Variants in BNC2 observed in about 807,000 individuals in gnomAD.
BNC2 encodes the protein zinc finger protein basonuclin-2.
A neutral mutation model predicts 76.3 loss-of-function variants in BNC2; 20 were observed. That is an observed-to-expected ratio of 0.26 (90% confidence interval 0.18 to 0.38). The LOEUF is 0.38. Ranked by LOEUF, BNC2 falls within the 10% of genes least tolerant of loss-of-function variation. The pLI is 1.00. For synonymous variants in BNC2, 582 were observed against 514.8 expected, an observed-to-expected ratio of 1.13 and a Z score of -1.77; for missense variants, 1,382 against 1,399.8, an observed-to-expected ratio of 0.99 and a Z score of 0.20.
chr9:16,834,840 T>A (rs1041820461), intron 1 of BNC2, among the ~76,000 whole-genome samples: 11 of 151,870 alleles, frequency 7.2e-5, no homozygotes, highest in African/African-American at 2.6e-4. Context: ...GATTCCCCCA[T>A]CTCCGCATAT....
At chr9:16,802,459 T>C (rs1817808357) in intron 1 of BNC2, among the ~76,000 whole-genome samples, 1 of 152,222 alleles carries the variant, frequency 6.6e-6, no homozygotes, top group Non-Finnish European at 1.5e-5. Context: ...CTGCTACATT[T>C]GTACAGCAAG....
intron 3 of BNC2, among the ~76,000 whole-genome samples, chr9:16,661,925 A>G (rs942245100): frequency 2.0e-5 from 3 of 152,240 alleles, no homozygotes; most frequent in Non-Finnish European, 2.9e-5. Context: ...CCTTAGCATC[A>G]AAGACAAGTG....
Position 16,436,231 on chromosome 9 carries a change from C to A in BNC2, c.1963G>T (p.Asp655Tyr). The change falls in exon 6 of 7, where the codon GAT becomes TAT. Residue 655 changes from aspartate (D) to tyrosine (Y), a missense_variant. Asp to Tyr is a radical substitution (Grantham distance 160). Coordinates refer to ENST00000380672, the MANE Select transcript of BNC2 (RefSeq NM_017637.6). The part of the protein sequence containing the change: ...EIIDTADEFD[D>Y]EDDDPNDGGA... ...CCATCATTGGGGTCATCATCTTCAT[C>A]ATCAAACTCATCGGCGGTATCAATA... 4.3e-6 allele frequency: 7 copies of A among 1,614,158 alleles called. No individual in the cohort carries two copies. Among genetic ancestry groups the A allele is most frequent in the Non-Finnish European group, 5.9e-6 (7 of 1,180,028 alleles).
intron 5 of BNC2, among the ~76,000 whole-genome samples, chr9:16,460,735 C>T (rs1185292550): frequency 1.3e-5 from 2 of 151,950 alleles, no homozygotes; most frequent in African/African-American, 4.8e-5. Context: ...CGTTGACTAC[C>T]CTGAGCCTCA....
At chr9:16,837,143 C>G (rs1469458529) in intron 1 of BNC2, among the ~76,000 whole-genome samples, 2 of 152,018 alleles carry the variant, frequency 1.3e-5, no homozygotes, top group African/African-American at 4.8e-5. Flanking sequence ...TTTTTGAACC[C>G]AAAAAATGGA....
At chr9:16,556,594 CCT>C (rs1818839595) in intron 4 of BNC2, among the ~76,000 whole-genome samples, 1 of 151,628 alleles carries the variant, frequency 6.6e-6, no homozygotes, top group Non-Finnish European at 1.5e-5. Context: ...ATGGTGAAAC[CCT>C]GTTTCTACTA....
At chr9:16,479,456 A>G (rs1732304489) in intron 5 of BNC2, among the ~76,000 whole-genome samples, 1 of 152,140 alleles carries the variant, frequency 6.6e-6, no homozygotes, top group Non-Finnish European at 1.5e-5. Context: ...TTTTCCCTTC[A>G]GTGATAGGGA....
At chr9:16,729,255 AAAG>A (rs1824439458) in intron 2 of BNC2, among the ~76,000 whole-genome samples, 2 of 152,230 alleles carry the variant, frequency 1.3e-5, no homozygotes, top group African/African-American at 4.8e-5. Context: ...CCATCTCATA[AAAG>A]TAGTCAGCAG....
At chr9:16,715,203 T>C (rs1036885366) in intron 3 of BNC2, among the ~76,000 whole-genome samples, 1 of 152,250 alleles carries the variant, frequency 6.6e-6, no homozygotes, top group Non-Finnish European at 1.5e-5. Context: ...CAGAAATCTT[T>C]TATTATTTTA....
chr9:16,832,296 G>A (rs1362958560), intron 1 of BNC2: 2 of 1,280,152 alleles, frequency 1.6e-6, no homozygotes, highest in East Asian at 1.1e-4. Flanking sequence ...CATGTGTCAT[G>A]TTATCAAGGG....
intron 6 of BNC2, among the ~76,000 whole-genome samples, chr9:16,424,036 A>C (rs1289887678): frequency 6.6e-6 from 1 of 152,162 alleles, no homozygotes; most frequent in Admixed American, 6.5e-5. Flanking sequence ...CCTTTGATGA[A>C]AACTTTACCA....
At chr9:16,558,481 A>C (rs1818906467) in intron 4 of BNC2, among the ~76,000 whole-genome samples, 1 of 152,154 alleles carries the variant, frequency 6.6e-6, no homozygotes, top group African/African-American at 2.4e-5. Flanking sequence ...CTTCTGTTAC[A>C]TGAGCCAACA....
At chr9:16,598,549 C>G (rs1038069729) in intron 3 of BNC2, among the ~76,000 whole-genome samples, 2 of 152,184 alleles carry the variant, frequency 1.3e-5, no homozygotes, top group African/African-American at 4.8e-5. Flanking sequence ...GCAGAATGAA[C>G]TCACCACTAC....
chr9:16,510,428 G>A (rs1437980308), intron 5 of BNC2, among the ~76,000 whole-genome samples: 1 of 152,178 alleles, frequency 6.6e-6, no homozygotes, highest in Non-Finnish European at 1.5e-5. Flanking sequence ...ATATAAAAAG[G>A]CAGGAAACAC....
Position 16,760,839 on chromosome 9 carries a change from G to A in BNC2, c.4-22354C>T, listed in dbSNP as rs142912488. 4.8e-3 allele frequency among the ~76,000 whole-genome samples: 727 copies of A among 152,032 alleles called. 4 individuals carry two copies. The highest frequency in any genetic ancestry group is 0.017 in the African/African-American group (687 of 41,448). On this transcript the variant is annotated intron_variant, in intron 1 of 6. Transcript: ENST00000380672. The stretch of plus-strand genomic sequence containing the variant: ...TGACAGGAAATTTGGGGAGGAGAGG[G>A]AAACAGGGGAAAAAATAATGAGTGC...
chr9:16,546,506 G>T (rs577533465), intron 5 of BNC2, among the ~76,000 whole-genome samples: 2 of 152,278 alleles, frequency 1.3e-5, no homozygotes, highest in South Asian at 4.1e-4. Flanking sequence ...CAAAAGGTAT[G>T]TATCCCTGGA....
intron 3 of BNC2, among the ~76,000 whole-genome samples, chr9:16,593,531 C>CGTGTGT (rs60449137): frequency 6.6e-6 from 1 of 150,886 alleles, no homozygotes; most frequent in African/African-American, 2.4e-5. Flanking sequence ...CTTTGGAGTG[C>CGTGTGT]GTGTGTGTGT....
At chr9:16,542,564 G>C (rs541767557) in intron 5 of BNC2, among the ~76,000 whole-genome samples, 1 of 152,050 alleles carries the variant, frequency 6.6e-6, no homozygotes, top group Non-Finnish European at 1.5e-5. Flanking sequence ...TAAGGCTATC[G>C]GCAACAAATG....
intron 1 of BNC2, among the ~76,000 whole-genome samples, chr9:16,811,001 A>T (rs144716050): frequency 0.011 from 1,664 of 150,812 alleles, 34 homozygotes; most frequent in African/African-American, 0.038. Context: ...GGCAGATCTC[A>T]AGGTCAGGAG....
Sources: gnomAD v4.1 joint callset for allele counts (sites outside exome capture counted in the v4.1 genomes callset) on GRCh38, gnomAD v4.1.1 for gene constraint, MANE v1.5 for transcripts, NCBI Gene and HGNC (gene_info 2026-07-23, HGNC 2026-07-21) for gene names.